The following LRRC49 variants were observed in gnomAD, a reference collection of about 807,000 sequenced individuals.
The protein encoded by LRRC49 is leucine-rich repeat-containing protein 49.
Under a neutral mutation model 83.3 loss-of-function variants are expected in LRRC49, and 50 were observed. That is an observed-to-expected ratio of 0.60 (90% confidence interval 0.48 to 0.76). The LOEUF (loss-of-function observed/expected upper bound fraction) is 0.76, where lower values mean the gene tolerates loss of function less well. Among genes scored for constraint, LRRC49 ranks in the 30% least tolerant of loss-of-function variants. LRRC49 has a pLI of 0.00. For synonymous variants in LRRC49, 286 were observed against 283.3 expected, an observed-to-expected ratio of 1.01 and a Z score of -0.10; for missense variants, 704 against 809.1, an observed-to-expected ratio of 0.87 and a Z score of 1.58.
At chr15:71,005,811 T>C (rs1390913191) in intron 11 of LRRC49, among the ~76,000 whole-genome samples, 1 of 152,184 alleles carries the variant, frequency 6.6e-6, no homozygotes, top group Non-Finnish European at 1.5e-5. Flanking sequence ...TATGTGTGTA[T>C]GTATAACTAA....
At chr15:70,856,393 G>A (rs189351034) in intron 1 of LRRC49, among the ~76,000 whole-genome samples, 153 of 152,230 alleles carry the variant, frequency 1.0e-3, no homozygotes, top group Admixed American at 3.2e-3. Flanking sequence ...GCTGCTCCTG[G>A]TAGGGAATGG....
intron 1 of LRRC49, among the ~76,000 whole-genome samples, chr15:70,862,962 G>A (rs2032828196): frequency 6.6e-6 from 1 of 152,234 alleles, no homozygotes; most frequent in Non-Finnish European, 1.5e-5. Flanking sequence ...CACAGCACGA[G>A]GATGCTTGGC....
intron 5 of LRRC49, among the ~76,000 whole-genome samples, chr15:70,906,170 C>G (rs2034303746): frequency 6.7e-6 from 1 of 149,550 alleles, no homozygotes; most frequent in Non-Finnish European, 1.5e-5. Context: ...CATCTCAGCT[C>G]ACTGCAACCT....
Position 70,948,322 on chromosome 15 carries a change from TG to T in LRRC49, c.773+11501del, listed in dbSNP as rs528999829. Among the ~76,000 whole-genome samples, 301 of 152,268 alleles carry T rather than the reference TG, an allele frequency of 2.0e-3. 3 individuals are homozygous for T. Among genetic ancestry groups the T allele is most frequent in the African/African-American group, 7.0e-3 (289 of 41,558 alleles). On this transcript the variant is annotated intron_variant, in intron 8 of 15. Coordinates refer to ENST00000260382, the MANE Select transcript of LRRC49 (RefSeq NM_017691.5). The stretch of plus-strand genomic sequence containing the variant: ...CTGCCTAAGTCTAACTTTACTTCAT[TG>T]CACTCCTGATAGAGCATGTGTGCTT...
intron 13 of LRRC49, among the ~76,000 whole-genome samples, chr15:71,011,012 C>A (rs1254309597): frequency 6.6e-6 from 1 of 152,062 alleles, no homozygotes; most frequent in Non-Finnish European, 1.5e-5. Flanking sequence ...GATCAATGTA[C>A]AAGCAGCTAT....
intron 9 of LRRC49, among the ~76,000 whole-genome samples, chr15:70,977,436 G>C (rs1256732199): frequency 6.6e-6 from 1 of 152,152 alleles, no homozygotes; most frequent in Non-Finnish European, 1.5e-5. Flanking sequence ...CATGAGGCTA[G>C]GCGTTTGAGA....
intron 1 of LRRC49, among the ~76,000 whole-genome samples, chr15:70,862,583 A>C (rs2032819665): frequency 6.6e-6 from 1 of 150,756 alleles, no homozygotes; most frequent in South Asian, 2.1e-4. Flanking sequence ...GTCTCAAAAA[A>C]AAAAAAAAAA....
At chr15:70,958,683 T>A (rs1404125090) in intron 8 of LRRC49, among the ~76,000 whole-genome samples, 1 of 152,240 alleles carries the variant, frequency 6.6e-6, no homozygotes, top group Admixed American at 6.5e-5. Context: ...TTTAAATTTA[T>A]AAACTCACAT....
chr15:70,986,131 C>G (rs2037606564), intron 11 of LRRC49, among the ~76,000 whole-genome samples: 1 of 149,536 alleles, frequency 6.7e-6, no homozygotes, highest in Admixed American at 6.6e-5. Flanking sequence ...TTTTTTGGTT[C>G]CATATGAACT....
In LRRC49 at chr15:70,963,948, A is replaced by G. The variant is rs2141199090; in HGVS notation, c.921+16A>G. ...GAGAATCACGGTGAGAACCCTTCCA[A>G]AGTGTTCACCATGTTGTTGTCCTTA... On this transcript the variant is annotated intron_variant, in intron 9 of 15. Transcript: ENST00000260382. 1 of 1,610,210 alleles carries G rather than the reference A, an allele frequency of 6.2e-7. No homozygotes were observed. Among genetic ancestry groups the G allele is most frequent in the East Asian group, 2.2e-5 (1 of 44,800 alleles).
chr15:70,931,281 C>T (rs2035396800), intron 7 of LRRC49, among the ~76,000 whole-genome samples: 1 of 152,110 alleles, frequency 6.6e-6, no homozygotes, highest in Non-Finnish European at 1.5e-5. Context: ...GGGGGAAGTG[C>T]CAGTGAGTGG....
At chr15:70,994,543 C>T (rs986182459) in intron 11 of LRRC49, among the ~76,000 whole-genome samples, 8 of 152,186 alleles carry the variant, frequency 5.3e-5, no homozygotes, top group East Asian at 3.9e-4. Flanking sequence ...GGCATGATCT[C>T]GGCTCACTGC....
rs144498691 is a variant in LRRC49 at position 70,966,036 on chromosome 15, A to G, written c.921+2104A>G. On this transcript the variant is annotated intron_variant, in intron 9 of 15. Coordinates refer to ENST00000260382, the MANE Select transcript of LRRC49 (RefSeq NM_017691.5). ...TATCTATGTTTGCTTTGATGCTGCA[A>G]TGGCAGAGTCAAGTAGTTGCTATGG... Among the ~76,000 whole-genome samples, 399 of 152,276 alleles carry G rather than the reference A, an allele frequency of 2.6e-3. 5 individuals are homozygous for G. Among genetic ancestry groups the G allele is most frequent in the African/African-American group, 9.1e-3 (380 of 41,580 alleles).
chr15:70,923,772 C>G (rs2035091571), intron 7 of LRRC49, among the ~76,000 whole-genome samples: 1 of 151,828 alleles, frequency 6.6e-6, no homozygotes, highest in African/African-American at 2.4e-5. Flanking sequence ...GCTTTATCTT[C>G]TCTCTTGCTT....
At chr15:70,963,714 A>C (rs2036691240) in intron 8 of LRRC49, 71 bp from the exon 9 acceptor site, 1 of 1,491,166 alleles carries the variant, frequency 6.7e-7, no homozygotes, top group Admixed American at 2.0e-5. Flanking sequence ...TGCTAAAAAT[A>C]AAGTCTATTA....
chr15:70,944,358 C>G (rs969981822), intron 8 of LRRC49, among the ~76,000 whole-genome samples: 1 of 152,126 alleles, frequency 6.6e-6, no homozygotes, highest in Admixed American at 6.5e-5. Flanking sequence ...TTTTGATACC[C>G]TTTGAAATGT....
At chr15:71,016,378 A>C (rs2038827613) in intron 14 of LRRC49, among the ~76,000 whole-genome samples, 1 of 152,148 alleles carries the variant, frequency 6.6e-6, no homozygotes, top group South Asian at 2.1e-4. Context: ...CTGTGCTGAC[A>C]GGAAATTATA....
chr15:70,984,148 CAA>C lies in LRRC49; in HGVS notation c.1061_1062del (p.Gln354ProfsTer9). On this transcript the variant is annotated frameshift_variant, in exon 11 of 16. Coordinates refer to ENST00000260382, the MANE Select transcript of LRRC49 (RefSeq NM_017691.5). LOFTEE classifies it high-confidence loss of function. ...AGCTCGACAGTGGGACTTGCAACAA[CAA>C]CGAGTAGCCAATATTGCTACAAATG... ...NVARQWDLQQ[Q>X]RVANIATNED... 6.2e-7 allele frequency: 1 copy of C among 1,613,132 alleles called. No homozygotes were observed. Among genetic ancestry groups the C allele is most frequent in the Non-Finnish European group, 8.5e-7 (1 of 1,179,356 alleles).
intron 6 of LRRC49, 43 bp from the exon 7 acceptor site, chr15:70,919,007 G>T: frequency 6.5e-7 from 1 of 1,535,058 alleles, no homozygotes; most frequent in Non-Finnish European, 8.9e-7. Flanking sequence ...GTATATTTCA[G>T]GTTTTTGCCT....
Sources: allele counts gnomAD v4.1 joint callset (sites outside exome capture counted in the v4.1 genomes callset), GRCh38; gene constraint gnomAD v4.1.1; transcripts MANE v1.5; gene names NCBI Gene and HGNC (gene_info 2026-07-23, HGNC 2026-07-21).